ACTN4: variants seen among roughly 807,000 people sequenced by gnomAD.
ACTN4 encodes the protein actinin alpha 4.
A neutral mutation model predicts 114.2 loss-of-function variants in ACTN4; 18 were observed. The ratio of observed to expected loss-of-function variants is 0.16; its 90% confidence interval spans 0.11 to 0.23. The LOEUF (loss-of-function observed/expected upper bound fraction) is 0.23. Among genes scored for constraint, ACTN4 ranks in the 10% least tolerant of loss-of-function variants. ACTN4 has a pLI of 1.00. For missense variants in ACTN4, 722 were observed against 1,262.9 expected, an observed-to-expected ratio of 0.57 and a Z score of 6.49; for synonymous variants, 515 against 506.3, an observed-to-expected ratio of 1.02 and a Z score of -0.23.
intron 2 of ACTN4, 47 bp from the exon 3 acceptor site, chr19:38,700,955 T>TCC: frequency 6.3e-7 from 1 of 1,599,132 alleles, no homozygotes; most frequent in South Asian, 1.1e-5. Context: ...TCTCTCCCTT[T>TCC]CTCTCTCTCT....
chr19:38,717,874 C>G lies in ACTN4; in HGVS notation c.1144-53C>G. ...ATCAGCATCCCTTGGAGACATCCCC[C>G]TGGGTGCCTCCACTTCCTTGTGATA... On this transcript the variant is annotated intron_variant, in intron 10 of 20. Coordinates refer to ENST00000252699, the MANE Select transcript of ACTN4 (RefSeq NM_004924.6). This position sits in a 1 kb window ranked among gnomAD's most constrained non-coding sequence, Gnocchi z 4.0. 1 of 1,553,824 alleles carries G rather than the reference C, an allele frequency of 6.4e-7. No homozygotes were observed. Among genetic ancestry groups the G allele is most frequent in the Non-Finnish European group, 8.7e-7 (1 of 1,148,256 alleles).
At position 38,724,415 on chromosome 19, in the gene ACTN4, G is replaced by A. The variant is rs752448684; in HGVS notation, c.1876-16G>A. 2.8e-5 allele frequency: 45 copies of A among 1,612,602 alleles called. No homozygotes were observed. The highest frequency in any genetic ancestry group is 2.5e-5 in the Non-Finnish European group (29 of 1,179,698). On this transcript the variant is annotated splice_polypyrimidine_tract_variant and intron_variant, in intron 15 of 20. Coordinates refer to ENST00000252699, the MANE Select transcript of ACTN4 (RefSeq NM_004924.6). The surrounding 1 kb of genome is among the most constrained non-coding windows in gnomAD (Gnocchi z 7.0). ...CCACCTCCCTGACCGCTCCCACACC[G>A]CGTCTCCTCTGCCAGGTGCAGCAGC...
intron 1 of ACTN4, among the ~76,000 whole-genome samples, chr19:38,670,054 C>T (rs1967081963): frequency 1.3e-5 from 2 of 152,308 alleles, no homozygotes; most frequent in African/African-American, 4.8e-5. Context: ...TCAGGGGTCC[C>T]CAGAGCCAGT....
At chr19:38,664,640 GC>G (rs1966901235) in intron 1 of ACTN4, among the ~76,000 whole-genome samples, 2 of 152,258 alleles carry the variant, frequency 1.3e-5, no homozygotes, top group South Asian at 4.1e-4. Flanking sequence ...GCTGGATTGA[GC>G]CCGTCCCTGC....
intron 1 of ACTN4, among the ~76,000 whole-genome samples, chr19:38,673,509 ATATATATT>A (rs1342342295): frequency 1.7e-4 from 16 of 91,546 alleles, no homozygotes; most frequent in South Asian, 3.1e-4. Flanking sequence ...ATATATATGA[ATATATATT>A]TATATATATT....
At chr19:38,711,349 G>A (rs770427606) in intron 8 of ACTN4, 6 of 1,040,196 alleles carry the variant, frequency 5.8e-6, no homozygotes, top group Non-Finnish European at 7.0e-6. Flanking sequence ...ACGCTTTCTC[G>A]GGGGCTCAGA....
chr19:38,673,854 C>A (rs1424541615), intron 1 of ACTN4, among the ~76,000 whole-genome samples: 1 of 136,448 alleles, frequency 7.3e-6, no homozygotes, highest in East Asian at 2.1e-4. Flanking sequence ...GTGATCTCAG[C>A]TCACTGCAAC....
Position 38,724,753 on chromosome 19 carries a change from C to T in ACTN4, c.2010+188C>T, listed in dbSNP as rs146986646. ...TCCACAGAGCTTGCGCCTGGAATCC[C>T]GGCACCTGGGGAGGCTGAGGCGGGC... On this transcript the variant is annotated intron_variant, in intron 16 of 20. Transcript: ENST00000252699. The surrounding 1 kb of genome is among the most constrained non-coding windows in gnomAD (Gnocchi z 7.0). Among the ~76,000 whole-genome samples, 367 of 152,324 alleles carry T rather than the reference C, an allele frequency of 2.4e-3. 2 individuals carry two copies. Among genetic ancestry groups the T allele is most frequent in the African/African-American group, 8.3e-3 (347 of 41,580 alleles).
intron 4 of ACTN4, 92 bp from the exon 5 acceptor site, chr19:38,705,952 C>A: frequency 7.4e-7 from 1 of 1,346,840 alleles, no homozygotes; most frequent in Non-Finnish European, 1.1e-6. Context: ...TTCGTTTGAC[C>A]CCAGGCCTGA....
chr19:38,714,856 C>G (rs1346731506), intron 9 of ACTN4, among the ~76,000 whole-genome samples: 1 of 152,216 alleles, frequency 6.6e-6, no homozygotes, highest in African/African-American at 2.4e-5. Flanking sequence ...TTTAGAATCA[C>G]CTGGGGAGCT....
chr19:38,727,897 G>A lies in ACTN4; in HGVS notation c.2338-49G>A. 3 of 1,580,560 alleles carry A rather than the reference G, an allele frequency of 1.9e-6. No individual in the cohort carries two copies. The highest frequency in any genetic ancestry group is 2.6e-6 in the Non-Finnish European group (3 of 1,154,056). On this transcript the variant is annotated intron_variant, in intron 18 of 20. Coordinates refer to ENST00000252699, the MANE Select transcript of ACTN4 (RefSeq NM_004924.6). The surrounding 1 kb of genome is among the most constrained non-coding windows in gnomAD (Gnocchi z 5.4). ...CATGTGACCCCGATCCCTCATCCTG[G>A]TCTCCACGCCGCCCCTCCCGCACAC... is the stretch of plus-strand genomic sequence containing the variant.
intron 17 of ACTN4, among the ~76,000 whole-genome samples, chr19:38,726,423 A>G (rs1969235081): frequency 3.9e-5 from 6 of 152,202 alleles, no homozygotes. Flanking sequence ...GGGCCCACAG[A>G]GGGCACCGTT....
chr19:38,648,183 T>G, intron 1 of ACTN4: 1 of 336,772 alleles, frequency 3.0e-6, no homozygotes, highest in Non-Finnish European at 5.4e-6. Flanking sequence ...TTGGAGGGTC[T>G]GGGCGTGCCA....
intron 7 of ACTN4, 26 bp downstream of exon 7, chr19:38,709,502 C>T (rs758713589): frequency 2.1e-5 from 33 of 1,596,424 alleles, no homozygotes; most frequent in Non-Finnish European, 2.8e-5. Context: ...TGTTCAGCCA[C>T]CACTGTGCTT....
chr19:38,721,424 G>A (rs1969036516), intron 11 of ACTN4, 114 bp from the exon 12 acceptor site: 8 of 1,275,730 alleles, frequency 6.3e-6, no homozygotes, highest in Non-Finnish European at 9.0e-6. Context: ...TCATTGGCAT[G>A]GAAGGATGTG....
At chr19:38,690,517 G>A (rs1158616643) in intron 1 of ACTN4, among the ~76,000 whole-genome samples, 2 of 152,172 alleles carry the variant, frequency 1.3e-5, no homozygotes, top group Non-Finnish European at 2.9e-5. Flanking sequence ...CTCACTGCAT[G>A]GCCCAAGGTT....
intron 1 of ACTN4, among the ~76,000 whole-genome samples, chr19:38,671,709 CT>C (rs1210795123): frequency 6.6e-6 from 1 of 152,176 alleles, no homozygotes; most frequent in African/African-American, 2.4e-5. Flanking sequence ...TTCCTAAACT[CT>C]AATTGAGTCC....
rs1482021831 is a variant in ACTN4 at position 38,731,106 on chromosome 19, C to CAGAAGAT, written c.*1675_*1681dup. ...CCCCACCATGCCGGGGTGGTACTCA[C>CAGAAGAT]AGAAGATGCAGGTGAGGTGGGCCAC... On this transcript the variant is annotated 3_prime_UTR_variant, in exon 21 of 21. Coordinates refer to ENST00000252699, the MANE Select transcript of ACTN4 (RefSeq NM_004924.6). The CAGAAGAT allele has an allele frequency of 3.1e-6, 5 of 1,610,232 alleles. No homozygotes were observed. The highest frequency in any genetic ancestry group is 4.2e-6 in the Non-Finnish European group (5 of 1,178,900).
chr19:38,665,530 G>C (rs992905762), intron 1 of ACTN4, among the ~76,000 whole-genome samples: 1 of 152,130 alleles, frequency 6.6e-6, no homozygotes, highest in South Asian at 2.1e-4. Flanking sequence ...CAGCTCAGTG[G>C]GAAACCAAAA....
Sources: allele counts gnomAD v4.1 joint callset (sites outside exome capture counted in the v4.1 genomes callset), GRCh38; gene constraint gnomAD v4.1.1; non-coding constraint Gnocchi (gnomAD v3.1); transcripts MANE v1.5; gene names NCBI Gene and HGNC (gene_info 2026-07-23, HGNC 2026-07-21).